The following RXRG variants were observed in gnomAD, a reference collection of about 807,000 sequenced individuals.
The protein encoded by RXRG is retinoic acid receptor RXR-gamma.
RXRG carries 19 observed loss-of-function variants against 49.2 expected under a neutral mutation model. The ratio of observed to expected loss-of-function variants is 0.39; its 90% CI spans 0.27 to 0.57. RXRG has a LOEUF of 0.57. RXRG is among the 20% of genes least tolerant of loss of function. The pLI, the probability that RXRG is intolerant of heterozygous loss-of-function variation, is 0.64. For synonymous variants in RXRG, 224 were observed against 216.6 expected, an observed-to-expected ratio of 1.03 and a Z score of -0.30; for missense variants, 452 against 592.5, an observed-to-expected ratio of 0.76 and a Z score of 2.46.
rs186534600 is a variant in RXRG at position 165,435,829 on chromosome 1, G to C, written c.50-6863C>G. ...ATTTTGCATTCTGGAGTAGAGGTTG[G>C]CACACTTTTTCTTTCCAGGGTCAGA... On this transcript the variant is annotated intron_variant, in intron 1 of 9. Transcript: ENST00000359842. 2.0e-4 allele frequency among the ~76,000 whole-genome samples: 31 copies of C among 152,226 alleles called. No homozygotes were observed. The East Asian group carries it at 5.6e-3, about 27-fold the overall frequency.
intron 8 of RXRG, 105 bp downstream of exon 8, chr1:165,408,122 A>C: frequency 1.2e-6 from 1 of 865,788 alleles, no homozygotes; most frequent in South Asian, 1.4e-5. Flanking sequence ...TGGCTCTGCC[A>C]TCTGTGTCTC....
At chr1:165,412,065 A>G (rs754903274) in intron 4 of RXRG, among the ~76,000 whole-genome samples, 1 of 152,152 alleles carries the variant, frequency 6.6e-6, no homozygotes, top group Non-Finnish European at 1.5e-5. Flanking sequence ...AGCAGCTCCT[A>G]TTTCTGTTTC....
At chr1:165,402,736 A>G (rs1571260631) in intron 9 of RXRG, among the ~76,000 whole-genome samples, 1 of 151,926 alleles carries the variant, frequency 6.6e-6, no homozygotes, top group Non-Finnish European at 1.5e-5. Flanking sequence ...ACACCTTCAC[A>G]CACACTCATG....
intron 1 of RXRG, among the ~76,000 whole-genome samples, chr1:165,433,361 C>T (rs1658730413): frequency 6.6e-6 from 1 of 152,142 alleles, no homozygotes; most frequent in Admixed American, 6.5e-5. Flanking sequence ...TCTCTCAGCC[C>T]AATTCACTCT....
At chr1:165,422,885 T>C (rs921948566) in intron 2 of RXRG, among the ~76,000 whole-genome samples, 2 of 152,192 alleles carry the variant, frequency 1.3e-5, no homozygotes, top group Non-Finnish European at 2.9e-5. Context: ...ATCCTGGATC[T>C]CAGATCATCA....
chr1:165,427,589 C>T (rs1325470948), intron 2 of RXRG, among the ~76,000 whole-genome samples: 2 of 152,104 alleles, frequency 1.3e-5, no homozygotes, highest in African/African-American at 4.8e-5. Flanking sequence ...ATTACAGGCA[C>T]CTGCCACCAC....
intron 5 of RXRG, 42 bp from the exon 6 acceptor site, chr1:165,410,873 C>T: frequency 6.2e-7 from 1 of 1,613,726 alleles, no homozygotes; most frequent in Non-Finnish European, 8.5e-7. Context: ...GGTCCCAGGA[C>T]TCAAATACAC....
At position 165,411,002 on chromosome 1, in the gene RXRG, G is replaced by T; in HGVS notation, c.730C>A (p.Leu244Ile). The T allele has an allele frequency of 1.2e-6, 2 of 1,614,126 alleles. No homozygotes were observed. Among genetic ancestry groups the T allele is most frequent in the Non-Finnish European group, 1.7e-6 (2 of 1,180,000 alleles). The stretch of plus-strand genomic sequence containing the variant: ...GATTCTGTCTTTGGTTCAACAGCAA[G>T]TTCAGCTTCTAGAATCCTCTCCACA... Reference protein sequence around the residue: ...MPVERILEAELAVEPKTESYG... With the variant: ...MPVERILEAEIAVEPKTESYG... The change falls in exon 5 of 10, where the codon CTT (leucine) becomes ATT (isoleucine). Residue 244 changes from leucine to isoleucine, a missense_variant. This residue lies in a region of RXRG where 286 missense variants were observed against 440.9 expected (regional missense o/e 0.65). Transcript: ENST00000359842.
intron 8 of RXRG, 69 bp downstream of exon 8, chr1:165,408,157 TG>T: frequency 8.6e-7 from 1 of 1,161,670 alleles, no homozygotes; most frequent in Non-Finnish European, 1.3e-6. Flanking sequence ...ACCAATAACA[TG>T]GGAGCACTGG....
chr1:165,410,212 T>C (rs975760856), intron 6 of RXRG, among the ~76,000 whole-genome samples: 1 of 152,278 alleles, frequency 6.6e-6, no homozygotes, highest in Middle Eastern at 3.4e-3. Flanking sequence ...TCATGAAATT[T>C]CCCTGCTGGC....
chr1:165,422,000 CCCACAGAGAGAGCCCTCTAGCTGA>C (rs1658336381), intron 2 of RXRG, among the ~76,000 whole-genome samples: 1 of 152,116 alleles, frequency 6.6e-6, no homozygotes, highest in Admixed American at 6.5e-5. Flanking sequence ...GTCAGATGAC[CCCACAGAGAGAGCCCTCTAGCTGA>C]CCACGGCTCT....
chr1:165,429,289 A>G (rs1658598806), intron 1 of RXRG, among the ~76,000 whole-genome samples: 1 of 152,186 alleles, frequency 6.6e-6, no homozygotes, highest in Admixed American at 6.5e-5. Context: ...AGCCTGAGTG[A>G]CTGAGGCCTG....
At chr1:165,416,290 A>G (rs1355288696) in intron 4 of RXRG, among the ~76,000 whole-genome samples, 1 of 152,070 alleles carries the variant, frequency 6.6e-6, no homozygotes, top group Non-Finnish European at 1.5e-5. Context: ...GCCCACTTCA[A>G]TTTATCTGTG....
chr1:165,413,643 A>G (rs1481635249), intron 4 of RXRG, among the ~76,000 whole-genome samples: 17 of 152,206 alleles, frequency 1.1e-4, no homozygotes, highest in Non-Finnish European at 2.5e-4. Context: ...CTCAAAGGCA[A>G]TCCATTCACC....
intron 1 of RXRG, 125 bp from the exon 2 acceptor site, chr1:165,429,091 T>G (rs1489681484): frequency 1.9e-6 from 2 of 1,048,052 alleles, no homozygotes; most frequent in African/African-American, 3.2e-5. Context: ...CCTACACACC[T>G]GTAAGCCCTA....
intron 3 of RXRG, among the ~76,000 whole-genome samples, chr1:165,417,736 T>C (rs987092391): frequency 2.0e-5 from 3 of 152,162 alleles, no homozygotes; most frequent in Admixed American, 2.0e-4. Flanking sequence ...TATTGACTGT[T>C]GAGGAAATTA....
At chr1:165,411,834 A>G (rs539639678) in intron 4 of RXRG, among the ~76,000 whole-genome samples, 1 of 152,196 alleles carries the variant, frequency 6.6e-6, no homozygotes, top group Non-Finnish European at 1.5e-5. Flanking sequence ...ATACATTAGG[A>G]TTGAAAGCAG....
Position 165,409,588 on chromosome 1 carries a change from TG to T in RXRG, c.1015del (p.His339ThrfsTer13). ...AAAGATGGAGCCGACCCCAGCACTG[TG>T]GGCACTGCTCCGGTGGACATGTAAA... Reference protein sequence around the residue: ...TGLHVHRSSAHSAGVGSIFDR... With the variant: ...TGLHVHRSSAXSAGVGSIFDR... On this transcript the variant is annotated frameshift_variant, in exon 7 of 10. Coordinates refer to ENST00000359842, the MANE Select transcript of RXRG (RefSeq NM_006917.5). LOFTEE classifies it high-confidence loss of function. 6.4e-7 allele frequency: 1 copy of T among 1,555,232 alleles called. No individual in the cohort carries two copies. Among genetic ancestry groups the T allele is most frequent in the African/African-American group, 1.4e-5 (1 of 72,154 alleles).
At chr1:165,421,572 C>T (rs1658316814) in intron 2 of RXRG, among the ~76,000 whole-genome samples, 1 of 148,114 alleles carries the variant, frequency 6.8e-6, no homozygotes, top group African/African-American at 2.5e-5. Context: ...CTGTGTTGCC[C>T]AGGCTGGAGT....
Sources: gnomAD v4.1 joint callset for allele counts (sites outside exome capture counted in the v4.1 genomes callset) on GRCh38, gnomAD v4.1.1 for gene constraint, gnomAD v4.1.1 regional missense constraint, MANE v1.5 for transcripts, NCBI Gene and HGNC (gene_info 2026-07-23, HGNC 2026-07-21) for gene names.